Variants in LRRC38 observed in about 807,000 individuals in gnomAD.
LRRC38 encodes leucine rich repeat containing 38.
Under a neutral mutation model 16.4 loss-of-function variants are expected in LRRC38, and 5 were observed. The ratio of observed to expected loss-of-function variants is 0.31; its 90% confidence interval spans 0.16 to 0.64. The LOEUF is 0.64. Among genes scored for constraint, LRRC38 ranks in the 30% least tolerant of loss-of-function variants. The pLI, the probability that LRRC38 is intolerant of heterozygous loss-of-function variation, is 0.80. For missense variants in LRRC38, 341 were observed against 401.8 expected, an observed-to-expected ratio of 0.85 and a Z score of 1.29; for synonymous variants, 191 against 190.2, an observed-to-expected ratio of 1.00 and a Z score of -0.04.
intron 1 of LRRC38, among the ~76,000 whole-genome samples, chr1:13,509,484 T>C (rs2940304): frequency 0.44 from 66,534 of 151,498 alleles, 16,103 homozygotes; most frequent in Middle Eastern, 0.64. Flanking sequence ...CAGCGGCATA[T>C]TCTCCCTATG....
At chr1:13,502,094 ATTTTTTT>A (rs58436602) in intron 1 of LRRC38, among the ~76,000 whole-genome samples, 1 of 133,896 alleles carries the variant, frequency 7.5e-6, no homozygotes, top group South Asian at 2.5e-4. Context: ...CGCCCAGCCA[ATTTTTTT>A]TTTTTTTTTT....
intron 1 of LRRC38, among the ~76,000 whole-genome samples, chr1:13,499,472 G>T (rs1639121312): frequency 6.6e-6 from 1 of 152,190 alleles, no homozygotes; most frequent in South Asian, 2.1e-4. Context: ...GAACTTGGGG[G>T]TAACAGGGAG....
At position 13,512,985 on chromosome 1, in the gene LRRC38, C is replaced by G; in HGVS notation, c.609G>C (p.Glu203Asp). 3.1e-6 allele frequency: 4 copies of G among 1,301,234 alleles called. No homozygotes were observed. Among genetic ancestry groups the G allele is most frequent in the Middle Eastern group, 2.1e-4 (1 of 4,692 alleles). 80.6% of individuals were successfully genotyped at this position (1,301,234 alleles called of 1,614,324 possible). ...DFAHLFSWIQ[E>D]NASKLPKGLD... ...CACCTTTGGGCAGTTTGGATGCGTTCTCCTGGATCCAGGAGAAGAGGTGGG... is the reference window on the plus strand; with the variant it reads ...CACCTTTGGGCAGTTTGGATGCGTTGTCCTGGATCCAGGAGAAGAGGTGGG... The change falls in exon 1 of 2, where the codon GAG becomes GAC. Residue 203 changes from glutamate to aspartate, a missense_variant. By Grantham distance (45) the Glu-to-Asp change is conservative. Coordinates refer to ENST00000376085, the MANE Select transcript of LRRC38 (RefSeq NM_001010847.2).
intron 1 of LRRC38, among the ~76,000 whole-genome samples, chr1:13,511,184 C>G (rs900381675): frequency 6.6e-6 from 1 of 152,210 alleles, no homozygotes; most frequent in African/African-American, 2.4e-5. Context: ...AGGAACATTT[C>G]ACTTCCATTG....
chr1:13,496,931 G>A (rs1172756210), intron 1 of LRRC38, among the ~76,000 whole-genome samples: 1 of 152,140 alleles, frequency 6.6e-6, no homozygotes, highest in East Asian at 1.9e-4. Context: ...TGACGGGAGG[G>A]AGGGGCCAAG....
At chr1:13,492,049 C>A (rs1281309683) in intron 1 of LRRC38, among the ~76,000 whole-genome samples, 1 of 152,162 alleles carries the variant, frequency 6.6e-6, no homozygotes, top group African/African-American at 2.4e-5. Flanking sequence ...CCATCACCAC[C>A]ATCCACCTCC....
Position 13,513,188 on chromosome 1 carries a change from C to A in LRRC38, c.406G>T (p.Ala136Ser), listed in dbSNP as rs1282622172. ...SAGRLVKLSL[A>S]NNNLVGVHED... ...TGCACGCCCACCAGGTTGTTGTTAG[C>A]CAGGCTAAGCTTCACCAGCCTCCCG... Residue 136 changes from alanine (A) to serine (S), a missense_variant, in exon 1 of 2, where the codon GCT becomes TCT. Physicochemically the swap from Ala to Ser is moderately conservative, Grantham distance 99 (BLOSUM62 1). Coordinates refer to ENST00000376085, the MANE Select transcript of LRRC38 (RefSeq NM_001010847.2). 1 of 1,550,518 alleles carries A rather than the reference C, an allele frequency of 6.4e-7. No homozygotes were observed. The highest frequency in any genetic ancestry group is 1.2e-5 in the South Asian group (1 of 84,066).
At chr1:13,484,279 C>T (rs1174667862) in intron 1 of LRRC38, among the ~76,000 whole-genome samples, 1 of 152,148 alleles carries the variant, frequency 6.6e-6, no homozygotes, top group Non-Finnish European at 1.5e-5. Flanking sequence ...CCCACCCCAT[C>T]ATCCTCCATC....
chr1:13,489,583 C>T (rs1039668254), intron 1 of LRRC38, among the ~76,000 whole-genome samples: 2 of 152,162 alleles, frequency 1.3e-5, no homozygotes, highest in African/African-American at 4.8e-5. Flanking sequence ...TCACCCTGAG[C>T]ATCTGGGGAA....
Position 13,497,744 on chromosome 1 carries a change from G to A in LRRC38, c.631+15219C>T, listed in dbSNP as rs1485079020. On this transcript the variant is annotated intron_variant, in intron 1 of 1. Coordinates refer to ENST00000376085, the MANE Select transcript of LRRC38 (RefSeq NM_001010847.2). ...TAATCCTAGCACTTTGGGAGGCCGA[G>A]GAGGGCAGATCACCTGAGACCAGCC... 3.9e-5 allele frequency among the ~76,000 whole-genome samples: 6 copies of A among 152,022 alleles called. No homozygotes were observed. The East Asian group carries it at 9.6e-4, about 24-fold the overall frequency.
chr1:13,500,065 G>T (rs1639128024), intron 1 of LRRC38, among the ~76,000 whole-genome samples: 1 of 152,110 alleles, frequency 6.6e-6, no homozygotes, highest in East Asian at 1.9e-4. Flanking sequence ...AGCCTGGCCA[G>T]CATGGAGAAA....
intron 1 of LRRC38, 143 bp from the exon 2 acceptor site, chr1:13,476,242 G>T (rs1638787840): frequency 4.2e-6 from 3 of 721,930 alleles, no homozygotes; most frequent in African/African-American, 1.8e-5. Flanking sequence ...AATTTAAATG[G>T]AATTTAAACT....
intron 1 of LRRC38, among the ~76,000 whole-genome samples, chr1:13,502,337 C>T (rs1290479738): frequency 1.3e-5 from 2 of 152,170 alleles, no homozygotes; most frequent in African/African-American, 2.4e-5. Flanking sequence ...TCCTTCTGGT[C>T]ACTTTTCCAG....
intron 1 of LRRC38, among the ~76,000 whole-genome samples, chr1:13,485,220 T>C (rs1638916236): frequency 6.9e-6 from 1 of 145,024 alleles, no homozygotes. Context: ...GAGGTTGTGA[T>C]GAGCCAAGAT....
intron 1 of LRRC38, among the ~76,000 whole-genome samples, chr1:13,507,667 A>C (rs568209951): frequency 3.1e-4 from 47 of 152,128 alleles, no homozygotes; most frequent in African/African-American, 1.1e-3. Context: ...CCCCATCTCT[A>C]CTAAAAATAC....
intron 1 of LRRC38, among the ~76,000 whole-genome samples, chr1:13,489,894 C>T (rs1048860540): frequency 3.9e-5 from 6 of 152,118 alleles, no homozygotes; most frequent in Non-Finnish European, 8.8e-5. Flanking sequence ...TCTGCAGCTT[C>T]GGGTCAAGGG....
chr1:13,499,697 C>T (rs1639123257), intron 1 of LRRC38, among the ~76,000 whole-genome samples: 1 of 152,160 alleles, frequency 6.6e-6, no homozygotes, highest in Admixed American at 6.5e-5. Flanking sequence ...GAGGGGTGGT[C>T]TCACGGCCCC....
chr1:13,498,608 G>A (rs980981049), intron 1 of LRRC38, among the ~76,000 whole-genome samples: 1 of 152,230 alleles, frequency 6.6e-6, no homozygotes, highest in Non-Finnish European at 1.5e-5. Context: ...TCCAGCCTGA[G>A]TGACAGAGCG....
Position 13,475,918 on chromosome 1 carries a change from A to T in LRRC38, c.813T>A (p.Thr271=), listed in dbSNP as rs930859549. ...AAIISSFFLA[T]VVQCLQRCAP... is the part of the protein sequence containing the mutation. ...CGCACCTCTGGAGGCACTGCACCACAGTGGCCAGGAAGAAGCTGGAGATGA... is the reference window on the plus strand; with the variant it reads ...CGCACCTCTGGAGGCACTGCACCACTGTGGCCAGGAAGAAGCTGGAGATGA... The change falls in exon 2 of 2, where the codon ACT becomes ACA. Residue 271 remains threonine (T), a synonymous_variant. Transcript: ENST00000376085. The surrounding 1 kb of genome is among the most constrained non-coding windows in gnomAD (Gnocchi z 4.3). 2.1e-5 allele frequency: 32 copies of T among 1,550,534 alleles called. No individual in the cohort carries two copies. Among genetic ancestry groups the T allele is most frequent in the Non-Finnish European group, 2.2e-5 (25 of 1,147,022 alleles).
Sources: gnomAD v4.1 joint callset for allele counts (sites outside exome capture counted in the v4.1 genomes callset) on GRCh38, gnomAD v4.1.1 for gene constraint, Gnocchi (gnomAD v3.1) non-coding constraint, MANE v1.5 for transcripts, NCBI Gene and HGNC (gene_info 2026-07-23, HGNC 2026-07-21) for gene names.